The following CBLN2 variants were observed in gnomAD, a reference collection of about 807,000 sequenced individuals.
The protein encoded by CBLN2 is cerebellin 2 precursor, also known as cerebellin-2.
CBLN2 carries 7 observed loss-of-function variants against 15.0 expected under a neutral mutation model. That is an observed-to-expected ratio of 0.47 (90% CI 0.27 to 0.88). The LOEUF (loss-of-function observed/expected upper bound fraction) is 0.88. Ranked by LOEUF, CBLN2 falls within the 40% of genes least tolerant of loss-of-function variation. CBLN2 has a pLI of 0.14. For missense variants in CBLN2, 242 were observed against 304.5 expected (o/e 0.79, Z 1.53); for synonymous variants, 149 against 135.2 (o/e 1.10, Z -0.71).
chr18:72,538,258 A>G lies in CBLN2; in HGVS notation c.593T>C (p.Val198Ala), dbSNP rs2144858050. ...VLLLMEREDK[V>A]HLKLERGNLM... ...GTTGCCTCTCTCAAGTTTGAGATGC[A>G]CTTTGTCTTCCCTTTCCATGAGCAG... is the stretch of plus-strand genomic sequence containing the variant. The change falls in exon 5 of 5, where the codon GTG becomes GCG. Residue 198 changes from valine (V) to alanine (A), a missense_variant. Physicochemically the swap from Val to Ala is moderately conservative, Grantham distance 64 (BLOSUM62 0). This residue lies in a region of CBLN2 where 31 missense variants were observed against 36.3 expected (regional missense o/e 0.86). Transcript: ENST00000269503. 6.2e-7 allele frequency: 1 copy of G among 1,614,096 alleles called. No individual in the cohort carries two copies. Among genetic ancestry groups the G allele is most frequent in the Middle Eastern group, 1.6e-4 (1 of 6,062 alleles).
chr18:72,634,565 T>C (rs913798309), intron 1 of CBLN2, among the ~76,000 whole-genome samples: 1 of 152,150 alleles, frequency 6.6e-6, no homozygotes, highest in African/African-American at 2.4e-5. Context: ...GTGATGGACG[T>C]GCAGATAAGT....
In CBLN2 at chr18:72,625,799, T is replaced by TCC. The variant is rs1275941136; in HGVS notation, c.15+12525_15+12526insGG. ...CTATATATATATGACTCTCTCTCTC[T>TCC]CTCTCTCTCTCTCTCTCTCTATATA... is the stretch of plus-strand genomic sequence containing the variant. On this transcript the variant is annotated intron_variant, in intron 1 of 2. Coordinates refer to the CBLN2 transcript ENST00000581073. 4.4e-4 allele frequency among the ~76,000 whole-genome samples: 21 copies of TCC among 47,428 alleles called. No individual in the cohort carries two copies. The East Asian group carries it at 0.02, about 46-fold the overall frequency. 31.1% of individuals were successfully genotyped at this position (47,428 alleles called of 152,430 possible).
chr18:72,550,685 T>C (rs1394313718), intron 1 of CBLN2, among the ~76,000 whole-genome samples: 1 of 152,170 alleles, frequency 6.6e-6, no homozygotes, highest in Admixed American at 6.5e-5. Flanking sequence ...ATTGCCTTAT[T>C]TGAAAGAGAA....
chr18:72,541,203 T>C (rs2069107811), intron 3 of CBLN2, among the ~76,000 whole-genome samples: 1 of 152,226 alleles, frequency 6.6e-6, no homozygotes, highest in Non-Finnish European at 1.5e-5. Flanking sequence ...GCTTATGGTA[T>C]ATATTTCATT....
In CBLN2 at chr18:72,536,965, C is replaced by G. The variant is rs562852744; in HGVS notation, c.*1211G>C. The G allele has an allele frequency of 1.3e-5, 2 of 152,716 alleles. No homozygotes were observed. The highest frequency in any genetic ancestry group is 4.1e-4 in the South Asian group (2 of 4,826). 9.5% of individuals were successfully genotyped at this position (152,716 alleles called of 1,614,324 possible). A position where few individuals can be genotyped will look rare whatever the true frequency, so the allele number is the denominator to read the frequency against. On this transcript the variant is annotated 3_prime_UTR_variant, in exon 5 of 5. Transcript: ENST00000269503. ...CCACAGTGACTTTCAGGTGGCTTCT[C>G]GCCAGGTGCATGCAGGAGAGTGTCA...
intron 1 of CBLN2, among the ~76,000 whole-genome samples, chr18:72,604,470 T>TC (rs2069570133): frequency 6.6e-6 from 1 of 152,210 alleles, no homozygotes; most frequent in African/African-American, 2.4e-5. Context: ...GAATATTCTG[T>TC]GTTTTAGGCA....
At chr18:72,590,252 G>A (rs1321146627) in intron 1 of CBLN2, among the ~76,000 whole-genome samples, 1 of 148,798 alleles carries the variant, frequency 6.7e-6, no homozygotes, top group Non-Finnish European at 1.5e-5. Context: ...GTGACAGAGC[G>A]AGACTCCGTC....
chr18:72,573,333 T>C (rs1239583089), intron 1 of CBLN2, among the ~76,000 whole-genome samples: 2 of 152,210 alleles, frequency 1.3e-5, no homozygotes, highest in Non-Finnish European at 2.9e-5. Flanking sequence ...CATTTAAATC[T>C]GACATCCAAT....
intron 1 of CBLN2, among the ~76,000 whole-genome samples, chr18:72,595,661 C>G (rs930670007): frequency 6.6e-6 from 1 of 152,080 alleles, no homozygotes; most frequent in Non-Finnish European, 1.5e-5. Flanking sequence ...TTATCTCTCT[C>G]TTTAGCACAA....
intron 1 of CBLN2, among the ~76,000 whole-genome samples, chr18:72,596,416 C>A (rs2069514098): frequency 6.6e-6 from 1 of 151,990 alleles, no homozygotes; most frequent in African/African-American, 2.4e-5. Flanking sequence ...TTGATCAGTT[C>A]ATCTTTTCAT....
At chr18:72,547,451 A>C (rs1392727584), upstream of CBLN2, among the ~76,000 whole-genome samples, 1 of 152,174 alleles carries the variant, frequency 6.6e-6, no homozygotes, top group African/African-American at 2.4e-5. Flanking sequence ...GTACCCCCTA[A>C]ATCTATTTTT....
intron 1 of CBLN2, among the ~76,000 whole-genome samples, chr18:72,570,024 T>C (rs1224856287): frequency 6.6e-6 from 1 of 152,194 alleles, no homozygotes; most frequent in East Asian, 1.9e-4. Context: ...GAGGATGACA[T>C]TAAATTTCCA....
At chr18:72,586,779 A>G (rs1431151584) in intron 1 of CBLN2, among the ~76,000 whole-genome samples, 1 of 152,146 alleles carries the variant, frequency 6.6e-6, no homozygotes, top group African/African-American at 2.4e-5. Flanking sequence ...GGCATTAACT[A>G]TCTAAGAGAA....
intron 1 of CBLN2, among the ~76,000 whole-genome samples, chr18:72,609,012 C>A (rs564065025): frequency 1.3e-5 from 2 of 152,162 alleles, no homozygotes; most frequent in African/African-American, 4.8e-5. Flanking sequence ...ATTATCTTCA[C>A]TTGGCCCCAG....
intron 1 of CBLN2, among the ~76,000 whole-genome samples, chr18:72,575,629 G>T (rs1369127757): frequency 6.6e-6 from 1 of 152,170 alleles, no homozygotes; most frequent in South Asian, 2.1e-4. Flanking sequence ...GAGAAGCCGG[G>T]CCCTCAGGAG....
chr18:72,635,225 T>C (rs2069804366), intron 1 of CBLN2, among the ~76,000 whole-genome samples: 1 of 152,208 alleles, frequency 6.6e-6, no homozygotes, highest in South Asian at 2.1e-4. Flanking sequence ...GTTTATTCAC[T>C]GTTAGTATTT....
intron 1 of CBLN2, among the ~76,000 whole-genome samples, chr18:72,613,517 C>T (rs1404830551): frequency 1.5e-5 from 2 of 131,832 alleles, no homozygotes; most frequent in Middle Eastern, 4.3e-3. Flanking sequence ...CCTGCAATTC[C>T]ATTTCCACCC....
chr18:72,541,743 G>C, intron 3 of CBLN2, 61 bp downstream of exon 3: 1 of 1,381,768 alleles, frequency 7.2e-7, no homozygotes, highest in Non-Finnish European at 9.6e-7. Flanking sequence ...CCCAGCCCGC[G>C]CGCGCAGGTC....
At chr18:72,637,074 A>G (rs974028227) in intron 1 of CBLN2, among the ~76,000 whole-genome samples, 28 of 152,006 alleles carry the variant, frequency 1.8e-4, no homozygotes, top group Non-Finnish European at 2.8e-4. Flanking sequence ...CAATGAGAAA[A>G]CAGCTGAAGC....
Sources: gnomAD v4.1 joint callset for allele counts (sites outside exome capture counted in the v4.1 genomes callset) on GRCh38, gnomAD v4.1.1 for gene constraint, gnomAD v4.1.1 regional missense constraint, MANE v1.5 for transcripts, NCBI Gene and HGNC (gene_info 2026-07-23, HGNC 2026-07-21) for gene names.